POR: variants seen among roughly 807,000 people sequenced by gnomAD.
The protein encoded by POR is NADPH--cytochrome P450 reductase.
Under a neutral mutation model 84.0 loss-of-function variants are expected in POR, and 56 were observed. That is an observed-to-expected ratio of 0.67 (90% CI 0.54 to 0.83). The LOEUF (loss-of-function observed/expected upper bound fraction) is 0.83. Ranked by LOEUF, POR falls within the 40% of genes least tolerant of loss-of-function variation. The pLI, the probability that POR is intolerant of heterozygous loss-of-function variation, is 0.00. For synonymous variants in POR, 414 were observed against 400.5 expected (o/e 1.03, Z -0.40); for missense variants, 938 against 944.3 (o/e 0.99, Z 0.09).
chr7:75,981,703 G>A lies in POR; in HGVS notation c.731+97G>A. On this transcript the variant is annotated intron_variant, in intron 7 of 15. Coordinates refer to ENST00000461988, the MANE Select transcript of POR (RefSeq NM_000941.3). ...AGGGCTGGCAGTGGGTCGCAGCAAG[G>A]TTAGAAGACACTCCGTCATAGGGTC... 3 of 1,008,646 alleles carry A rather than the reference G, an allele frequency of 3.0e-6. No individual in the cohort carries two copies. The South Asian group carries it at 4.4e-5, about 15-fold the overall frequency. 62.5% of individuals were successfully genotyped at this position (1,008,646 alleles called of 1,614,324 possible).
At chr7:75,963,691 A>G (rs549380721) in intron 2 of POR, among the ~76,000 whole-genome samples, 4 of 152,308 alleles carry the variant, frequency 2.6e-5, no homozygotes, top group Non-Finnish European at 2.9e-5. Flanking sequence ...ATGCCCCCAC[A>G]GGAGCCTAGG....
At chr7:75,972,357 C>T in intron 2 of POR, 56 bp from the exon 3 acceptor site, 1 of 1,506,282 alleles carries the variant, frequency 6.6e-7, no homozygotes, top group Non-Finnish European at 9.1e-7. Flanking sequence ...CGTCCCGTGA[C>T]ACCTGTGTCC....
intron 2 of POR, among the ~76,000 whole-genome samples, chr7:75,954,731 A>C: frequency 7.0e-6 from 1 of 141,930 alleles, no homozygotes; most frequent in African/African-American, 2.7e-5. Context: ...TTTTTGAAGC[A>C]GAATCTTGTT....
At chr7:75,923,094 T>G (rs1806956336) in intron 1 of POR, 9 of 737,014 alleles carry the variant, frequency 1.2e-5, no homozygotes, top group South Asian at 1.1e-4. Flanking sequence ...AACCTAAAAA[T>G]GCAGCGTATA....
At chr7:75,968,019 G>C (rs1788260297) in intron 2 of POR, 1 of 454,376 alleles carries the variant, frequency 2.2e-6, no homozygotes, top group Admixed American at 2.4e-5. Flanking sequence ...GCCCCTGCTG[G>C]TGTCCAGGAG....
intron 2 of POR, chr7:75,968,161 T>C: frequency 2.2e-6 from 1 of 459,478 alleles, no homozygotes; most frequent in South Asian, 1.6e-5. Context: ...GGCGGCAGAC[T>C]GCCCTCATGC....
rs563267608 is a variant in POR, at chr7:75,923,888, C to CAA, written c.-5+8723_-5+8724dup. ...GGGCAACAAGAGCGAAACTCCATCT[C>CAA]AAAAAAAAAAAAAAAGAAAAGAAAA... On this transcript the variant is annotated intron_variant, in intron 1 of 15. Coordinates refer to ENST00000461988, the MANE Select transcript of POR (RefSeq NM_000941.3). 1.2e-3 allele frequency among the ~76,000 whole-genome samples: 124 copies of CAA among 101,152 alleles called. No individual in the cohort carries two copies. In the East Asian group the frequency reaches 0.032, roughly 26 times the overall value. The allele number at this position is 101,152 out of a possible 152,430, so 66.4% of individuals were successfully genotyped here. A position where few individuals can be genotyped will look rare whatever the true frequency, so the allele number is the denominator to read the frequency against.
At chr7:75,971,728 G>A (rs782797347) in intron 2 of POR, among the ~76,000 whole-genome samples, 84 of 152,106 alleles carry the variant, frequency 5.5e-4, no homozygotes, top group Non-Finnish European at 6.3e-4. Context: ...TGACCCTTGC[G>A]CAGGACCTTG....
chr7:75,972,551 A>G (rs1554556356), intron 3 of POR, 90 bp downstream of exon 3: 1 of 1,243,180 alleles, frequency 8.0e-7, no homozygotes, highest in African/African-American at 1.5e-5. Context: ...GCGTCACCGC[A>G]TAGAGGATGT....
intron 7 of POR, 104 bp downstream of exon 7, chr7:75,981,710 G>A: frequency 1.0e-6 from 1 of 954,318 alleles, no homozygotes; most frequent in Non-Finnish European, 1.6e-6. Context: ...AAGGTTAGAA[G>A]ACACTCCGTC....
intron 3 of POR, among the ~76,000 whole-genome samples, chr7:75,978,233 A>G (rs1554557113): frequency 6.6e-6 from 1 of 152,154 alleles, no homozygotes; most frequent in Non-Finnish European, 1.5e-5. Context: ...ACACAATTGG[A>G]TTGTATAGCC....
chr7:75,972,677 T>C lies in POR; in HGVS notation c.237+216T>C. ...ACAGTTTGTTTCCTTGAATCTTTAC[T>C]TTTTGAACAAACCAAAGTCTAAGAA... On this transcript the variant is annotated intron_variant, in intron 3 of 15. Coordinates refer to ENST00000461988, the MANE Select transcript of POR (RefSeq NM_000941.3). The C allele has an allele frequency of 6.3e-6, 4 of 631,604 alleles. No homozygotes were observed. The East Asian group carries it at 1.1e-4, about 18-fold the overall frequency. 39.1% of individuals were successfully genotyped at this position (631,604 alleles called of 1,614,324 possible).
At chr7:75,947,159 T>G (rs1013917865) in intron 1 of POR, 2 of 152,224 alleles carry the variant, frequency 1.3e-5, no homozygotes, top group Non-Finnish European at 2.9e-5. Context: ...GTTAGGCATT[T>G]TTTTTTGGCC....
chr7:75,940,978 A>C (rs1554551426), intron 1 of POR, among the ~76,000 whole-genome samples: 1 of 151,792 alleles, frequency 6.6e-6, no homozygotes, highest in African/African-American at 2.4e-5. Flanking sequence ...CTGGGCAACC[A>C]AGCGAGACCC....
At chr7:75,952,723 G>A (rs1475438676) in intron 1 of POR, among the ~76,000 whole-genome samples, 8 of 151,254 alleles carry the variant, frequency 5.3e-5, no homozygotes, top group African/African-American at 1.7e-4. Flanking sequence ...CTCAGACGAT[G>A]GGCGGCCAGG....
chr7:75,937,471 C>CAA (rs782343328), intron 1 of POR, among the ~76,000 whole-genome samples: 222 of 20,116 alleles, frequency 0.011, 12 homozygotes, highest in African/African-American at 0.03. Flanking sequence ...GACCCTGTCT[C>CAA]AAAAAAAAAA....
intron 1 of POR, among the ~76,000 whole-genome samples, chr7:75,951,070 C>CG (rs1306322479): frequency 6.4e-5 from 5 of 78,420 alleles, no homozygotes; most frequent in Non-Finnish European, 1.5e-4. Context: ...CGGCCCCCCC[C>CG]CCCCCCGAAA....
chr7:75,938,516 G>C (rs1554551137), intron 1 of POR, among the ~76,000 whole-genome samples: 1 of 152,118 alleles, frequency 6.6e-6, no homozygotes, highest in Non-Finnish European at 1.5e-5. Context: ...CCAGCACTTT[G>C]GGAGGCCAAG....
intron 2 of POR, among the ~76,000 whole-genome samples, chr7:75,969,312 G>T (rs561287602): frequency 6.6e-6 from 1 of 152,178 alleles, no homozygotes; most frequent in Admixed American, 6.5e-5. Context: ...CGAGAGGGGC[G>T]GGGCCTGTGC....
Sources: allele counts gnomAD v4.1 joint callset (sites outside exome capture counted in the v4.1 genomes callset), GRCh38; gene constraint gnomAD v4.1.1; transcripts MANE v1.5; gene names NCBI Gene and HGNC (gene_info 2026-07-23, HGNC 2026-07-21).